Variants in GTF2E2 observed in about 807,000 individuals in gnomAD.
GTF2E2 encodes general transcription factor IIE subunit 2.
Under a neutral mutation model 40.5 loss-of-function variants are expected in GTF2E2, and 21 were observed. The observed-to-expected ratio is 0.52, with a 90% CI of 0.37 to 0.75. The LOEUF (loss-of-function observed/expected upper bound fraction) is 0.75. Among genes scored for constraint, GTF2E2 ranks in the 30% least tolerant of loss-of-function variants. The pLI is 0.00. For missense variants in GTF2E2, 298 were observed against 338.4 expected (o/e 0.88, Z 0.94); for synonymous variants, 117 against 121.6 (o/e 0.96, Z 0.25).
At chr8:30,654,968 C>T (rs1802407877) in intron 1 of GTF2E2, among the ~76,000 whole-genome samples, 1 of 152,178 alleles carries the variant, frequency 6.6e-6, no homozygotes, top group South Asian at 2.1e-4. Flanking sequence ...GAGCCGGGCA[C>T]AGTGGCTCAT....
rs375698365 is a variant in GTF2E2, at chr8:30,607,202, C to CA, written c.550-53dup. The CA allele has an allele frequency of 0.11, 51,204 of 459,672 alleles. 1 individual carries two copies. Among genetic ancestry groups the CA allele is most frequent in the East Asian group, 0.14 (3,591 of 25,514 alleles). The allele number at this position is 459,672 out of a possible 1,614,324, so 28.5% of individuals were successfully genotyped here. On this transcript the variant is annotated intron_variant, in intron 5 of 7. Coordinates refer to ENST00000355904, the MANE Select transcript of GTF2E2 (RefSeq NM_002095.6). ...TTCAGTTAACTCCAAATTACCTCAC[C>CA]AAAAAAAAAAAAAATTTAAACAATA...
intron 3 of GTF2E2, among the ~76,000 whole-genome samples, chr8:30,615,939 T>C (rs1800906311): frequency 6.6e-6 from 1 of 151,912 alleles, no homozygotes; most frequent in African/African-American, 2.4e-5. Flanking sequence ...CTTCAGTAGG[T>C]GAGTGGGTAA....
At position 30,614,304 on chromosome 8, in the gene GTF2E2, G is replaced by C. The variant is rs888812626; in HGVS notation, c.366+304C>G. On this transcript the variant is annotated intron_variant, in intron 4 of 7. Transcript: ENST00000355904. ...ACCATATTAAAACATTCTAGGCAAGGCGCAGTGGCTCATGCCTATAACCCC... is the reference window on the plus strand; with the variant it reads ...ACCATATTAAAACATTCTAGGCAAGCCGCAGTGGCTCATGCCTATAACCCC... 2.6e-5 allele frequency among the ~76,000 whole-genome samples: 4 copies of C among 152,296 alleles called. No individual in the cohort carries two copies. The South Asian group carries it at 8.3e-4, about 32-fold the overall frequency.
intron 2 of GTF2E2, among the ~76,000 whole-genome samples, chr8:30,652,725 A>T (rs979351938): frequency 6.6e-6 from 1 of 152,236 alleles, no homozygotes; most frequent in Non-Finnish European, 1.5e-5. Context: ...CAAAAGAGAT[A>T]AAAAGATATG....
chr8:30,587,949 C>T (rs1376265153), intron 6 of GTF2E2, among the ~76,000 whole-genome samples: 2 of 146,370 alleles, frequency 1.4e-5, no homozygotes, highest in Non-Finnish European at 3.0e-5. Context: ...TAGGGAAATA[C>T]AAATCAAAAC....
chr8:30,617,751 CA>C (rs397957917), intron 3 of GTF2E2, among the ~76,000 whole-genome samples: 1,586 of 116,658 alleles, frequency 0.014, 19 homozygotes, highest in African/African-American at 0.036. Flanking sequence ...GATCTTGTCT[CA>C]AAAAAAAAAA....
intron 2 of GTF2E2, among the ~76,000 whole-genome samples, chr8:30,640,602 T>C (rs896032540): frequency 6.6e-6 from 1 of 152,248 alleles, no homozygotes; most frequent in Non-Finnish European, 1.5e-5. Flanking sequence ...TACACCATTT[T>C]CTCTTGCTTT....
intron 2 of GTF2E2, among the ~76,000 whole-genome samples, chr8:30,646,351 TC>T (rs1467288315): frequency 4.0e-5 from 6 of 149,648 alleles, no homozygotes; most frequent in Admixed American, 3.4e-4. Context: ...AGACTGCCCC[TC>T]CCCCCATCCC....
intron 6 of GTF2E2, among the ~76,000 whole-genome samples, chr8:30,588,295 C>T (rs571021413): frequency 1.3e-5 from 2 of 152,202 alleles, no homozygotes; most frequent in South Asian, 4.1e-4. Context: ...GCATTACTTA[C>T]AACAGTCGAG....
intron 3 of GTF2E2, among the ~76,000 whole-genome samples, chr8:30,633,810 A>C (rs1302858460): frequency 6.6e-6 from 1 of 152,248 alleles, no homozygotes; most frequent in Middle Eastern, 3.2e-3. Context: ...GATGAAATGA[A>C]TCAACAGTGA....
chr8:30,649,799 C>G (rs2128729775), intron 2 of GTF2E2, among the ~76,000 whole-genome samples: 2 of 152,282 alleles, frequency 1.3e-5, no homozygotes, highest in Middle Eastern at 6.8e-3. Context: ...GATATCACTA[C>G]TGACTTTATA....
intron 3 of GTF2E2, among the ~76,000 whole-genome samples, chr8:30,631,237 C>T (rs1382150975): frequency 1.3e-5 from 2 of 152,090 alleles, no homozygotes; most frequent in Non-Finnish European, 2.9e-5. Context: ...GTTGGCCAGG[C>T]TGGTCTCAAA....
intron 2 of GTF2E2, among the ~76,000 whole-genome samples, chr8:30,642,550 C>T (rs897426137): frequency 6.6e-6 from 1 of 152,152 alleles, no homozygotes; most frequent in African/African-American, 2.4e-5. Context: ...AAGCCTCAAA[C>T]ATATCCCTGT....
At chr8:30,653,382 C>A in intron 2 of GTF2E2, 51 bp downstream of exon 2, 1 of 1,427,428 alleles carries the variant, frequency 7.0e-7, no homozygotes, top group Non-Finnish European at 9.8e-7. Context: ...AAACGGTTTC[C>A]TCCTGAATAA....
intron 5 of GTF2E2, among the ~76,000 whole-genome samples, chr8:30,611,311 A>G (rs932316357): frequency 6.6e-6 from 1 of 152,370 alleles, no homozygotes; most frequent in Non-Finnish European, 1.5e-5. Context: ...AATGTATTAG[A>G]TATATGAAGA....
chr8:30,618,158 A>G (rs1019257833), intron 3 of GTF2E2, among the ~76,000 whole-genome samples: 3 of 151,824 alleles, frequency 2.0e-5, no homozygotes, highest in South Asian at 2.1e-4. Context: ...TTAGCCGAAC[A>G]TGGTGGCACA....
Position 30,655,773 on chromosome 8 carries a change from G to A in GTF2E2, c.-4-2171C>T, listed in dbSNP as rs1802431224. Among the ~76,000 whole-genome samples the A allele has an allele frequency of 2.0e-5, 3 of 152,032 alleles. No individual in the cohort carries two copies. The South Asian group carries it at 6.2e-4, about 32-fold the overall frequency. Reference sequence around the variant, plus strand: ...ATTAAGGCGTGAACAATCACTGGACGGTGAATCAAAAACCTGCCTTCTCTC... The same window carrying A: ...ATTAAGGCGTGAACAATCACTGGACAGTGAATCAAAAACCTGCCTTCTCTC... On this transcript the variant is annotated intron_variant, in intron 1 of 7. Transcript: ENST00000355904.
chr8:30,647,708 G>A (rs1243118845), intron 2 of GTF2E2, among the ~76,000 whole-genome samples: 1 of 152,164 alleles, frequency 6.6e-6, no homozygotes. Context: ...TGTGAAGCTT[G>A]GATATATAAA....
chr8:30,634,824 A>C (rs1290681406), intron 3 of GTF2E2, among the ~76,000 whole-genome samples: 1 of 152,230 alleles, frequency 6.6e-6, no homozygotes, highest in Non-Finnish European at 1.5e-5. Flanking sequence ...AATGCAGATT[A>C]AATATGCTTT....
Sources: allele counts gnomAD v4.1 joint callset (sites outside exome capture counted in the v4.1 genomes callset), GRCh38; gene constraint gnomAD v4.1.1; transcripts MANE v1.5; gene names NCBI Gene and HGNC (gene_info 2026-07-23, HGNC 2026-07-21).